Variants in TLL1 observed in about 807,000 individuals in gnomAD.
TLL1 encodes the protein tolloid like 1, also known as tolloid-like protein 1.
A neutral mutation model predicts 128.2 loss-of-function variants in TLL1; 49 were observed. The observed-to-expected ratio is 0.38, with a 90% CI of 0.30 to 0.48. The LOEUF (loss-of-function observed/expected upper bound fraction) is 0.48. TLL1 is among the 20% of genes least tolerant of loss of function. TLL1 has a pLI of 0.96. For missense variants in TLL1, 1,123 were observed against 1,242.0 expected (o/e 0.90, Z 1.44); for synonymous variants, 454 against 418.8 (o/e 1.08, Z -1.03).
At chr4:166,035,094 A>C (rs1278681756) in intron 9 of TLL1, among the ~76,000 whole-genome samples, 1 of 152,140 alleles carries the variant, frequency 6.6e-6, no homozygotes, top group Non-Finnish European at 1.5e-5. Flanking sequence ...CCAACATATG[A>C]ATTTTGGAGG....
At chr4:165,929,974 A>G (rs1733443188) in intron 1 of TLL1, among the ~76,000 whole-genome samples, 1 of 152,154 alleles carries the variant, frequency 6.6e-6, no homozygotes, top group African/African-American at 2.4e-5. Flanking sequence ...TTCCCACCAG[A>G]AACTAAAATT....
intron 12 of TLL1, among the ~76,000 whole-genome samples, chr4:166,045,020 C>A (rs2111096999): frequency 6.6e-6 from 1 of 151,986 alleles, no homozygotes; most frequent in East Asian, 1.9e-4. Flanking sequence ...AGATATGCAC[C>A]TCAGGCACTT....
At chr4:166,057,057 A>G in intron 13 of TLL1, 127 bp from the exon 14 acceptor site, 1 of 1,055,136 alleles carries the variant, frequency 9.5e-7, no homozygotes, top group East Asian at 2.4e-5. Context: ...GGTCCCTCTC[A>G]TGACACGTGA....
intron 1 of TLL1, among the ~76,000 whole-genome samples, chr4:165,946,557 C>T (rs1734261654): frequency 7.2e-6 from 1 of 138,994 alleles, no homozygotes; most frequent in African/African-American, 2.7e-5. Flanking sequence ...CCAAGCTGGT[C>T]TGGAACTCCT....
intron 9 of TLL1, among the ~76,000 whole-genome samples, chr4:166,032,427 A>G (rs17047205): frequency 0.24 from 35,931 of 152,030 alleles, 4,602 homozygotes; most frequent in African/African-American, 0.29. Flanking sequence ...GCACTATAAG[A>G]TAGAAAAACA....
intron 1 of TLL1, among the ~76,000 whole-genome samples, chr4:165,977,741 A>G (rs1735954878): frequency 6.6e-6 from 1 of 152,246 alleles, no homozygotes; most frequent in Non-Finnish European, 1.5e-5. Flanking sequence ...AGCAATACTT[A>G]TAATCAATAA....
At chr4:165,899,780 T>A (rs1731878684) in intron 1 of TLL1, among the ~76,000 whole-genome samples, 1 of 152,192 alleles carries the variant, frequency 6.6e-6, no homozygotes, top group Non-Finnish European at 1.5e-5. Flanking sequence ...ATATCCTTGA[T>A]AATTTTCTGT....
chr4:165,895,212 ACT>A (rs1357147399), intron 1 of TLL1, among the ~76,000 whole-genome samples: 4 of 151,976 alleles, frequency 2.6e-5, no homozygotes, highest in Admixed American at 1.3e-4. Context: ...ATAGAGCAAA[ACT>A]CTGTTTGCAG....
At chr4:165,949,070 G>C (rs764148367) in intron 1 of TLL1, among the ~76,000 whole-genome samples, 1 of 152,064 alleles carries the variant, frequency 6.6e-6, no homozygotes, top group Non-Finnish European at 1.5e-5. Context: ...GTAATTAAAT[G>C]ATCTGTTAAA....
chr4:166,060,330 T>G, intron 15 of TLL1, 142 bp downstream of exon 15: 2 of 904,334 alleles, frequency 2.2e-6, no homozygotes, highest in Non-Finnish European at 1.7e-6. Context: ...TTTCTGCAAC[T>G]GCTTATGAAT....
intron 9 of TLL1, among the ~76,000 whole-genome samples, chr4:166,029,592 T>C (rs560563879): frequency 6.6e-6 from 1 of 152,208 alleles, no homozygotes; most frequent in East Asian, 1.9e-4. Flanking sequence ...ATTCACTTTG[T>C]TGTGAAACAG....
intron 9 of TLL1, chr4:166,030,630 T>A (rs1205531793): frequency 2.8e-6 from 2 of 716,626 alleles, no homozygotes; most frequent in Non-Finnish European, 3.9e-6. Context: ...ATGAGTTCTA[T>A]AGTTTTACAG....
intron 12 of TLL1, among the ~76,000 whole-genome samples, chr4:166,044,761 A>G (rs1210505093): frequency 1.3e-5 from 2 of 152,012 alleles, no homozygotes; most frequent in African/African-American, 4.8e-5. Context: ...AAAATTATCC[A>G]CCCAATGTCT....
At chr4:165,926,340 T>C (rs1733266494) in intron 1 of TLL1, among the ~76,000 whole-genome samples, 1 of 152,190 alleles carries the variant, frequency 6.6e-6, no homozygotes, top group Non-Finnish European at 1.5e-5. Context: ...GGTTAAAAAC[T>C]TCACACTTGA....
At chr4:165,900,212 T>C (rs1731908639) in intron 1 of TLL1, among the ~76,000 whole-genome samples, 1 of 152,124 alleles carries the variant, frequency 6.6e-6, no homozygotes, top group Admixed American at 6.5e-5. Flanking sequence ...TGTCTTTTAA[T>C]TGGGGCATTT....
intron 19 of TLL1, among the ~76,000 whole-genome samples, chr4:166,096,225 G>A (rs1742013122): frequency 6.7e-6 from 1 of 148,644 alleles, no homozygotes; most frequent in African/African-American, 2.6e-5. Context: ...GTGTGTGTGT[G>A]TGTGTGTGTG....
intron 1 of TLL1, among the ~76,000 whole-genome samples, chr4:165,933,810 G>A (rs1041705511): frequency 1.3e-5 from 2 of 152,042 alleles, no homozygotes; most frequent in Admixed American, 6.5e-5. Flanking sequence ...CTTCCAGTAT[G>A]TCCGAGCAGC....
At chr4:166,097,266 G>A (rs559757139) in intron 19 of TLL1, among the ~76,000 whole-genome samples, 47 of 152,246 alleles carry the variant, frequency 3.1e-4, no homozygotes, top group Non-Finnish European at 5.1e-4. Context: ...ACCGTAGTGG[G>A]AAAGGGAAGG....
intron 9 of TLL1, chr4:166,031,011 A>G (rs1738742501): frequency 5.3e-6 from 5 of 935,732 alleles, no homozygotes; most frequent in Non-Finnish European, 6.4e-6. Flanking sequence ...AAGTTATCAA[A>G]AGTGATTTAA....
Sources: allele counts gnomAD v4.1 joint callset (sites outside exome capture counted in the v4.1 genomes callset), GRCh38; gene constraint gnomAD v4.1.1; transcripts MANE v1.5; gene names NCBI Gene and HGNC (gene_info 2026-07-23, HGNC 2026-07-21).